BAG1: variants seen among roughly 807,000 people sequenced by gnomAD.
The protein encoded by BAG1 is BAG family molecular chaperone regulator 1.
Under a neutral mutation model 35.5 loss-of-function variants are expected in BAG1, and 35 were observed. That is an observed-to-expected ratio of 0.99 (90% CI 0.75 to 1.31). The LOEUF (loss-of-function observed/expected upper bound fraction) is 1.31. Ranked by LOEUF, BAG1 falls within the 50% of genes most tolerant of loss-of-function variation. The pLI is 0.00. For synonymous variants in BAG1, 191 were observed against 178.9 expected (o/e 1.07, Z -0.54); for missense variants, 464 against 453.6 (o/e 1.02, Z -0.21).
chr9:33,255,372 G>A (rs1002166562), intron 6 of BAG1, 64 bp from the exon 7 acceptor site: 35 of 1,609,924 alleles, frequency 2.2e-5, no homozygotes, highest in South Asian at 9.9e-5. Context: ...CCCACACAAG[G>A]CTCCTTGCTT....
At chr9:33,261,475 C>A (rs1435647773) in intron 2 of BAG1, among the ~76,000 whole-genome samples, 1 of 152,100 alleles carries the variant, frequency 6.6e-6, no homozygotes, top group African/African-American at 2.4e-5. Context: ...ACTTTAAAGT[C>A]TTCAGTAGGC....
chr9:33,255,894 T>G lies in BAG1; in HGVS notation c.919A>C (p.Lys307Gln), dbSNP rs773619837. 6.2e-7 allele frequency: 1 copy of G among 1,614,128 alleles called. No individual in the cohort carries two copies. The highest frequency in any genetic ancestry group is 1.1e-5 in the South Asian group (1 of 91,082). ...ACCTTTTTTACCAAGCCTTTCCTTT[T>G]CAATCTACTGTCTTTGAAATTTTCT... is the stretch of plus-strand genomic sequence containing the variant. Residue 307 changes from lysine (K) to glutamine (Q), a missense_variant, in exon 6 of 7, where the codon AAA (lysine) becomes CAA (glutamine). Transcript: ENST00000634734.
intron 3 of BAG1, chr9:33,260,195 G>A (rs772480945): frequency 4.6e-5 from 7 of 152,182 alleles, no homozygotes; most frequent in Non-Finnish European, 7.3e-5. Context: ...CGCTCCATAC[G>A]CTCTGTGTCA....
At chr9:33,256,362 T>C (rs1820453105) in intron 5 of BAG1, among the ~76,000 whole-genome samples, 1 of 152,348 alleles carries the variant, frequency 6.6e-6, no homozygotes, top group East Asian at 1.9e-4. Flanking sequence ...ATATCATTAC[T>C]ATCATCTGCA....
chr9:33,261,492 G>A (rs1003200714), intron 2 of BAG1, among the ~76,000 whole-genome samples: 2 of 152,060 alleles, frequency 1.3e-5, no homozygotes, highest in African/African-American at 4.8e-5. Context: ...AGGCATTAAG[G>A]TCTACAGTAG....
intron 4 of BAG1, 105 bp downstream of exon 4, chr9:33,258,815 T>C: frequency 3.5e-6 from 3 of 868,868 alleles, no homozygotes; most frequent in Non-Finnish European, 5.6e-6. Context: ...GAATCCAGGA[T>C]CTGAACCCAG....
At position 33,256,883 on chromosome 9, in the gene BAG1, G is replaced by C. The variant is rs1009569924; in HGVS notation, c.803C>G (p.Ala268Gly). The C allele has an allele frequency of 3.1e-6, 5 of 1,614,052 alleles. No individual in the cohort carries two copies. Among genetic ancestry groups the C allele is most frequent in the Non-Finnish European group, 4.2e-6 (5 of 1,180,024 alleles). ...CCTATCAAGTTTGCAGAGAGCTTCA[G>C]CTTGCAAATCCTTGGGCAGAAAACC... Residue 268 changes from alanine (A) to glycine (G), a missense_variant, in exon 5 of 7, where the codon GCT becomes GGT. By Grantham distance (60) the Ala-to-Gly change is moderately conservative. Transcript: ENST00000634734.
chr9:33,260,322 A>G (rs1820542052), intron 3 of BAG1: 1 of 152,236 alleles, frequency 6.6e-6, no homozygotes, highest in Non-Finnish European at 1.5e-5. Context: ...CTCTTCTCTC[A>G]GGTAAACAAT....
At chr9:33,262,967 G>A in intron 1 of BAG1, 137 bp from the exon 2 acceptor site, 1 of 1,223,006 alleles carries the variant, frequency 8.2e-7, no homozygotes, top group Non-Finnish European at 1.1e-6. Flanking sequence ...CTGCCCCCAT[G>A]CCACCCAGCT....
chr9:33,261,533 C>T (rs188062100), intron 2 of BAG1, among the ~76,000 whole-genome samples: 1 of 152,182 alleles, frequency 6.6e-6, no homozygotes, highest in East Asian at 1.9e-4. Context: ...CAGGAAACCC[C>T]AATACCACAA....
At chr9:33,256,738 G>A in intron 5 of BAG1, 63 bp downstream of exon 5, 1 of 1,344,826 alleles carries the variant, frequency 7.4e-7, no homozygotes, top group East Asian at 2.3e-5. Context: ...ATTACTGAAA[G>A]AGTGAATGTG....
In BAG1 at chr9:33,253,048, A is replaced by G. The variant is rs1399117456; in HGVS notation, c.*2171T>C. ...AGGCATGGGGTAAAGACTTTTGCCT[A>G]AAGAGAAAGTGAGCCATTGGAGGGT... On this transcript the variant is annotated 3_prime_UTR_variant, in exon 7 of 7. Coordinates refer to ENST00000634734, the MANE Select transcript of BAG1 (RefSeq NM_004323.6). 1 of 152,174 alleles carries G rather than the reference A, an allele frequency of 6.6e-6. No individual in the cohort carries two copies. The highest frequency in any genetic ancestry group is 1.5e-5 in the Non-Finnish European group (1 of 68,044). 9.4% of individuals were successfully genotyped at this position (152,174 alleles called of 1,614,324 possible).
chr9:33,252,516 T>C lies in BAG1; in HGVS notation c.*2703A>G, dbSNP rs963540106. 12 of 150,932 alleles carry C rather than the reference T, an allele frequency of 8.0e-5. No individual in the cohort carries two copies. Among genetic ancestry groups the C allele is most frequent in the African/African-American group, 2.9e-4 (12 of 41,154 alleles). 9.3% of individuals were successfully genotyped at this position (150,932 alleles called of 1,614,324 possible). ...TGAGGTCTTACTATATACAAGACTA[T>C]ATAACAAGTTATGCTTGTTATATAT... On this transcript the variant is annotated 3_prime_UTR_variant, in exon 7 of 7. Transcript: ENST00000634734.
chr9:33,262,234 A>G, intron 2 of BAG1: 1 of 1,283,478 alleles, frequency 7.8e-7, no homozygotes, highest in South Asian at 1.2e-5. Context: ...CTCAATAAAT[A>G]TCTGTTGAAG....
chr9:33,262,886 G>A (rs1179240422), intron 1 of BAG1, 56 bp from the exon 2 acceptor site: 1 of 1,595,352 alleles, frequency 6.3e-7, no homozygotes. Flanking sequence ...CACCAATATA[G>A]GATGACACTT....
Position 33,255,945 on chromosome 9 carries a change from G to T in BAG1, c.886-18C>A. ...GGCAGGATCTATGGAAGAGTAAGTTGATAATACAAGTTAGTAAATAGTAAA... is the reference window on the plus strand; with the variant it reads ...GGCAGGATCTATGGAAGAGTAAGTTTATAATACAAGTTAGTAAATAGTAAA... On this transcript the variant is annotated intron_variant, in intron 5 of 6. Coordinates refer to ENST00000634734, the MANE Select transcript of BAG1 (RefSeq NM_004323.6). 1 of 1,592,536 alleles carries T rather than the reference G, an allele frequency of 6.3e-7. No individual in the cohort carries two copies. The highest frequency in any genetic ancestry group is 1.1e-5 in the South Asian group (1 of 90,616).
At chr9:33,259,883 A>G (rs1820533297) in intron 3 of BAG1, 1 of 152,262 alleles carries the variant, frequency 6.6e-6, no homozygotes, top group African/African-American at 2.4e-5. Context: ...TTTAAGCCTT[A>G]CCACAACTCC....
chr9:33,257,231 G>A (rs866473865), intron 4 of BAG1: 29 of 239,732 alleles, frequency 1.2e-4, no homozygotes, highest in African/African-American at 5.0e-4. Flanking sequence ...CAAAGCCTAC[G>A]CCTGAAAACT....
intron 6 of BAG1, among the ~76,000 whole-genome samples, 180 bp from the exon 7 acceptor site, chr9:33,255,488 C>G (rs1688249740): frequency 6.6e-6 from 1 of 152,212 alleles, no homozygotes; most frequent in African/African-American, 2.4e-5. Flanking sequence ...GAGCATAGGA[C>G]CAGCATTCTG....
Sources: gnomAD v4.1 joint callset for allele counts (sites outside exome capture counted in the v4.1 genomes callset) on GRCh38, gnomAD v4.1.1 for gene constraint, MANE v1.5 for transcripts, NCBI Gene and HGNC (gene_info 2026-07-23, HGNC 2026-07-21) for gene names.